Variants in DGKB observed in about 807,000 individuals in gnomAD.
The protein encoded by DGKB is diacylglycerol kinase beta.
DGKB carries 67 observed loss-of-function variants against 114.3 expected under a neutral mutation model. The observed-to-expected ratio is 0.59, with a 90% CI of 0.48 to 0.72. The LOEUF is 0.72. Among genes scored for constraint, DGKB ranks in the 30% least tolerant of loss-of-function variants. The probability of loss-of-function intolerance (pLI) is 0.00; values close to 1 mark genes in which losing one functional copy is unlikely to be tolerated. For synonymous variants in DGKB, 398 were observed against 323.1 expected, an observed-to-expected ratio of 1.23 and a Z score of -2.49; for missense variants, 907 against 975.2, an observed-to-expected ratio of 0.93 and a Z score of 0.93.
intron 1 of DGKB, among the ~76,000 whole-genome samples, chr7:14,927,041 A>G (rs1784785204): frequency 6.6e-6 from 1 of 152,038 alleles, no homozygotes. Context: ...TTATTTTTAC[A>G]GATTCACTGG....
At chr7:14,300,694 T>C (rs1161206582) in intron 23 of DGKB, among the ~76,000 whole-genome samples, 2 of 152,144 alleles carry the variant, frequency 1.3e-5, no homozygotes, top group Non-Finnish European at 2.9e-5. Context: ...ATTAAGCATA[T>C]TGATTTACTT....
intron 21 of DGKB, among the ~76,000 whole-genome samples, chr7:14,362,249 A>G (rs1815892358): frequency 6.6e-6 from 1 of 152,080 alleles, no homozygotes; most frequent in African/African-American, 2.4e-5. Context: ...ACATTATGGC[A>G]GTTGATTATC....
At chr7:14,676,512 C>T (rs1819883190) in intron 12 of DGKB, among the ~76,000 whole-genome samples, 1 of 151,962 alleles carries the variant, frequency 6.6e-6, no homozygotes, top group Admixed American at 6.6e-5. Flanking sequence ...ACATTGCATG[C>T]CTGTATCAAA....
chr7:14,735,672 A>G (rs1464080913), intron 5 of DGKB, among the ~76,000 whole-genome samples: 1 of 152,240 alleles, frequency 6.6e-6, no homozygotes, highest in Non-Finnish European at 1.5e-5. Context: ...TTAGCAAAAT[A>G]GATATTAAAT....
chr7:14,548,651 C>T (rs1794668254), intron 20 of DGKB, among the ~76,000 whole-genome samples: 1 of 151,876 alleles, frequency 6.6e-6, no homozygotes, highest in South Asian at 2.1e-4. Context: ...TGAGGCAGGC[C>T]CAGAACATGA....
At chr7:14,676,352 C>G (rs549599150) in intron 12 of DGKB, among the ~76,000 whole-genome samples, 1 of 152,120 alleles carries the variant, frequency 6.6e-6, no homozygotes, top group African/African-American at 2.4e-5. Context: ...ATAAGACCTA[C>G]TATGTGATAG....
intron 6 of DGKB, among the ~76,000 whole-genome samples, chr7:14,716,727 A>C (rs1474144156): frequency 6.6e-6 from 1 of 152,138 alleles, no homozygotes; most frequent in South Asian, 2.1e-4. Context: ...TAATTGACAC[A>C]GGAAAGAGCC....
intron 21 of DGKB, among the ~76,000 whole-genome samples, chr7:14,448,610 C>A (rs1831043638): frequency 6.6e-6 from 1 of 152,082 alleles, no homozygotes; most frequent in Non-Finnish European, 1.5e-5. Context: ...TACAAATGCA[C>A]TTGTGATGTA....
chr7:14,558,334 T>C (rs1414493183), intron 20 of DGKB, among the ~76,000 whole-genome samples: 1 of 152,024 alleles, frequency 6.6e-6, no homozygotes, highest in Non-Finnish European at 1.5e-5. Flanking sequence ...ATAAATCTTC[T>C]TCTGAGGATG....
At chr7:14,302,518 G>A (rs553735667) in intron 23 of DGKB, among the ~76,000 whole-genome samples, 1 of 152,018 alleles carries the variant, frequency 6.6e-6, no homozygotes, top group African/African-American at 2.4e-5. Flanking sequence ...CCTGCCCCCG[G>A]CCCCATTGCT....
intron 21 of DGKB, among the ~76,000 whole-genome samples, chr7:14,434,999 A>G (rs1020879631): frequency 5.9e-5 from 9 of 152,256 alleles, no homozygotes; most frequent in African/African-American, 1.7e-4. Context: ...AATTGCATCC[A>G]TAACCAGAAA....
chr7:14,637,359 A>G (rs1197062644), intron 13 of DGKB, among the ~76,000 whole-genome samples: 2 of 151,930 alleles, frequency 1.3e-5, no homozygotes, highest in Non-Finnish European at 2.9e-5. Context: ...ATTCACTTTT[A>G]TAAGTAGACA....
At chr7:14,760,044 G>A (rs189833589) in intron 2 of DGKB, among the ~76,000 whole-genome samples, 7 of 152,192 alleles carry the variant, frequency 4.6e-5, no homozygotes, top group African/African-American at 1.4e-4. Flanking sequence ...CCTATTGGTC[G>A]TTTGTATATT....
chr7:14,414,656 A>G (rs1286735624), intron 21 of DGKB, among the ~76,000 whole-genome samples: 1 of 152,170 alleles, frequency 6.6e-6, no homozygotes, highest in African/African-American at 2.4e-5. Flanking sequence ...AAAAAAATAT[A>G]TACATTGAGG....
At chr7:14,265,299 C>T (rs1361267862) in intron 23 of DGKB, among the ~76,000 whole-genome samples, 1 of 111,348 alleles carries the variant, frequency 9.0e-6, no homozygotes, top group Non-Finnish European at 1.7e-5. Context: ...ATTTGGACTG[C>T]TGTCTTTTCT....
At chr7:14,846,975 T>C (rs567396123) in intron 1 of DGKB, among the ~76,000 whole-genome samples, 111 of 152,264 alleles carry the variant, frequency 7.3e-4, no homozygotes, top group African/African-American at 2.4e-3. Flanking sequence ...ACTTCAATAA[T>C]TGAAGAGAAG....
rs529593415 is a variant in DGKB, at chr7:14,149,190, G to T, written c.2353C>A (p.Pro785Thr). The change falls in exon 26 of 26, where the codon CCA becomes ACA. Residue 785 changes from proline (P) to threonine (T), a missense_variant. Coordinates refer to ENST00000402815, the MANE Select transcript of DGKB (RefSeq NM_001350709.2). Reference sequence around the variant, plus strand: ...AGGGAGCAGAATAAACCGGTTTTTGGAGGCGGGCCCATCAGCATTGGGGCT... The same window carrying T: ...AGGGAGCAGAATAAACCGGTTTTTGTAGGCGGGCCCATCAGCATTGGGGCT... ...NQAPMLMGPP[P>T]KTGLFCSLVK... The T allele has an allele frequency of 1.2e-6, 2 of 1,613,486 alleles. No individual in the cohort carries two copies. Among genetic ancestry groups the T allele is most frequent in the South Asian group, 2.2e-5 (2 of 91,072 alleles).
intron 6 of DGKB, among the ~76,000 whole-genome samples, chr7:14,710,707 G>A (rs1585880031): frequency 6.6e-6 from 1 of 151,930 alleles, no homozygotes; most frequent in African/African-American, 2.4e-5. Flanking sequence ...TATTACAGTT[G>A]TTTTGTTTTT....
chr7:14,802,630 T>C (rs1379876440), intron 2 of DGKB, among the ~76,000 whole-genome samples: 1 of 152,256 alleles, frequency 6.6e-6, no homozygotes, highest in Middle Eastern at 3.4e-3. Flanking sequence ...ATTTCAAATA[T>C]ACAGAAAAGT....
Sources: allele counts gnomAD v4.1 joint callset (sites outside exome capture counted in the v4.1 genomes callset), GRCh38; gene constraint gnomAD v4.1.1; transcripts MANE v1.5; gene names NCBI Gene and HGNC (gene_info 2026-07-23, HGNC 2026-07-21).